The following RNGTT variants were observed in gnomAD, a reference collection of about 807,000 sequenced individuals.
RNGTT encodes the protein mRNA-capping enzyme.
RNGTT carries 33 observed loss-of-function variants against 79.3 expected under a neutral mutation model. The observed-to-expected ratio is 0.42, with a 90% CI of 0.32 to 0.56. The LOEUF (loss-of-function observed/expected upper bound fraction) is 0.56, where lower values mean the gene tolerates loss of function less well. Ranked by LOEUF, RNGTT falls within the 20% of genes least tolerant of loss-of-function variation. The pLI is 0.17. For missense variants in RNGTT, 497 were observed against 739.1 expected, an observed-to-expected ratio of 0.67 and a Z score of 3.80; for synonymous variants, 222 against 235.9, an observed-to-expected ratio of 0.94 and a Z score of 0.54.
At chr6:88,704,259 CAAAAAA>C (rs35623392) in intron 13 of RNGTT, among the ~76,000 whole-genome samples, 4 of 48,732 alleles carry the variant, frequency 8.2e-5, no homozygotes, top group Admixed American at 2.8e-4. Context: ...GACTCTGTCT[CAAAAAA>C]AAAAAAAAAA....
At chr6:88,909,935 C>A (rs180693971) in intron 4 of RNGTT, among the ~76,000 whole-genome samples, 62 of 151,768 alleles carry the variant, frequency 4.1e-4, no homozygotes, top group African/African-American at 1.4e-3. Context: ...ACAACATTTA[C>A]CACCATCAAA....
At chr6:88,715,059 G>C (rs1776460110) in intron 13 of RNGTT, among the ~76,000 whole-genome samples, 1 of 152,154 alleles carries the variant, frequency 6.6e-6, no homozygotes, top group South Asian at 2.1e-4. Context: ...TGTATATCTA[G>C]AAAACCCCAT....
intron 6 of RNGTT, among the ~76,000 whole-genome samples, chr6:88,903,743 T>C (rs558607611): frequency 8.5e-5 from 13 of 152,332 alleles, no homozygotes; most frequent in African/African-American, 2.6e-4. Context: ...TCGTGGTATA[T>C]ACCACTCAAC....
chr6:88,736,398 T>C (rs1227029119), intron 13 of RNGTT, among the ~76,000 whole-genome samples: 3 of 152,116 alleles, frequency 2.0e-5, no homozygotes, highest in African/African-American at 4.8e-5. Flanking sequence ...CTCAAGAACA[T>C]TGTCATAAAC....
At chr6:88,847,059 TA>T (rs1264380674) in intron 10 of RNGTT, among the ~76,000 whole-genome samples, 1 of 152,178 alleles carries the variant, frequency 6.6e-6, no homozygotes, top group Non-Finnish European at 1.5e-5. Context: ...ACAAATACAT[TA>T]AAAAATGCCT....
intron 14 of RNGTT, among the ~76,000 whole-genome samples, chr6:88,640,974 A>C (rs1013621679): frequency 3.3e-5 from 5 of 152,148 alleles, no homozygotes; most frequent in African/African-American, 1.2e-4. Flanking sequence ...TTCTTCTATG[A>C]GACTCCCTAG....
chr6:88,687,476 C>CT (rs1162277430), intron 13 of RNGTT, among the ~76,000 whole-genome samples: 1 of 152,174 alleles, frequency 6.6e-6, no homozygotes, highest in Non-Finnish European at 1.5e-5. Flanking sequence ...ATACACAAGG[C>CT]TATTTATTGC....
At chr6:88,875,275 G>GA (rs1782482719) in intron 8 of RNGTT, among the ~76,000 whole-genome samples, 1 of 151,912 alleles carries the variant, frequency 6.6e-6, no homozygotes, top group African/African-American at 2.4e-5. Flanking sequence ...AGAAAGTAAG[G>GA]AAAGAAAACA....
chr6:88,915,310 C>T lies in RNGTT; in HGVS notation c.368-8870G>A, dbSNP rs148593460. 1.8e-4 allele frequency among the ~76,000 whole-genome samples: 28 copies of T among 152,222 alleles called. No homozygotes were observed. In the East Asian group the frequency reaches 4.4e-3, roughly 24 times the overall value. On this transcript the variant is annotated intron_variant, in intron 4 of 15. Transcript: ENST00000369485. ...CAAATCATTCTACCAAAAAGATACC[C>T]GCACTTGTATGTTTACCACAGCACT... is the stretch of plus-strand genomic sequence containing the variant.
intron 11 of RNGTT, among the ~76,000 whole-genome samples, chr6:88,818,001 C>T (rs927775330): frequency 5.9e-5 from 9 of 151,650 alleles, no homozygotes; most frequent in Middle Eastern, 3.4e-3. Flanking sequence ...CCTCGTGATC[C>T]GCCCGTCTCG....
Position 88,891,832 on chromosome 6 carries a change from C to G in RNGTT, c.768G>C (p.Lys256Asn). 1 of 1,594,778 alleles carries G rather than the reference C, an allele frequency of 6.3e-7. No homozygotes were observed. Reference sequence around the variant, plus strand: ...CTTCCCAGCCACAGAATTGATGACACTTCTGCTGTACCTCTCCTAACTTTG... The same window carrying G: ...CTTCCCAGCCACAGAATTGATGACAGTTCTGCTGTACCTCTCCTAACTTTG... ...TQPKLGEVQQ[K>N]CHQFCGWEGS... The change falls in exon 7 of 16, where the codon AAG becomes AAC. Residue 256 changes from lysine to asparagine, a missense_variant. Physicochemically the swap from Lys to Asn is moderately conservative, Grantham distance 94 (BLOSUM62 0). Transcript: ENST00000369485.
Position 88,860,106 on chromosome 6 carries a change from T to C in RNGTT, c.897-6342A>G, listed in dbSNP as rs149977847. Reference sequence around the variant, plus strand: ...ATTATAAGGCCTCTGTAATAGACCATGTGAGAAATCACAGTGACTACGACA... The same window carrying C: ...ATTATAAGGCCTCTGTAATAGACCACGTGAGAAATCACAGTGACTACGACA... On this transcript the variant is annotated intron_variant, in intron 8 of 15. Coordinates refer to ENST00000369485, the MANE Select transcript of RNGTT (RefSeq NM_003800.5). Among the ~76,000 whole-genome samples, 507 of 152,322 alleles carry C rather than the reference T, an allele frequency of 3.3e-3. 2 individuals are homozygous for C. Among genetic ancestry groups the C allele is most frequent in the Non-Finnish European group, 5.1e-3 (344 of 68,014 alleles).
In RNGTT at chr6:88,935,019, T is replaced by A. The variant is rs770671191; in HGVS notation, c.175-5752A>T. Among the ~76,000 whole-genome samples, 18 of 152,348 alleles carry A rather than the reference T, an allele frequency of 1.2e-4. 1 individual carries two copies. Among genetic ancestry groups the A allele is most frequent in the Non-Finnish European group, 2.5e-4 (17 of 68,034 alleles). On this transcript the variant is annotated intron_variant, in intron 2 of 15. Coordinates refer to ENST00000369485, the MANE Select transcript of RNGTT (RefSeq NM_003800.5). ...TTACTGAACCAATGTCCCACGGTGT[T>A]TTCCCTATGTTTTCATCTCAAAACT...
chr6:88,682,410 A>G (rs1173627255), intron 13 of RNGTT, among the ~76,000 whole-genome samples: 8 of 152,214 alleles, frequency 5.3e-5, no homozygotes, highest in Non-Finnish European at 1.0e-4. Flanking sequence ...ATCTACTATT[A>G]GAAAACAAAC....
At chr6:88,626,632 G>A (rs1357906565) in intron 14 of RNGTT, among the ~76,000 whole-genome samples, 2 of 151,958 alleles carry the variant, frequency 1.3e-5, no homozygotes, top group South Asian at 2.1e-4. Context: ...TCTGCTGTTT[G>A]CTATTCTAAT....
At chr6:88,694,435 G>A (rs1775586868) in intron 13 of RNGTT, among the ~76,000 whole-genome samples, 1 of 152,004 alleles carries the variant, frequency 6.6e-6, no homozygotes, top group South Asian at 2.1e-4. Context: ...AAACACTGAT[G>A]AAAGAAACAG....
intron 13 of RNGTT, among the ~76,000 whole-genome samples, chr6:88,680,300 C>T (rs536846109): frequency 3.9e-5 from 6 of 152,142 alleles, no homozygotes; most frequent in South Asian, 2.1e-4. Context: ...ATAATAATAA[C>T]CAGGTGATTG....
intron 12 of RNGTT, among the ~76,000 whole-genome samples, chr6:88,797,673 T>TA (rs1391422177): frequency 1.3e-5 from 2 of 151,798 alleles, no homozygotes; most frequent in Non-Finnish European, 2.9e-5. Flanking sequence ...AAGACTTTTC[T>TA]AAAAAAAGAA....
chr6:88,637,157 T>C (rs531495531), intron 14 of RNGTT, among the ~76,000 whole-genome samples: 1 of 152,050 alleles, frequency 6.6e-6, no homozygotes, highest in South Asian at 2.1e-4. Flanking sequence ...TTTCCTGGAG[T>C]TATTCTGCAC....
Sources: gnomAD v4.1 joint callset for allele counts (sites outside exome capture counted in the v4.1 genomes callset) on GRCh38, gnomAD v4.1.1 for gene constraint, MANE v1.5 for transcripts, NCBI Gene and HGNC (gene_info 2026-07-23, HGNC 2026-07-21) for gene names.